RANBP2: variants seen among roughly 807,000 people sequenced by gnomAD.
RANBP2 encodes E3 SUMO-protein ligase RanBP2.
In RANBP2, 57 loss-of-function variants were observed where a neutral mutation model predicts 303.6. The ratio of observed to expected loss-of-function variants is 0.19; its 90% CI spans 0.15 to 0.23. The LOEUF is 0.23. RANBP2 is among the 10% of genes least tolerant of loss of function. RANBP2 has a pLI of 1.00. For synonymous variants in RANBP2, 1,167 were observed against 1,301.5 expected (o/e 0.90, Z 2.23); for missense variants, 3,138 against 3,780.8 (o/e 0.83, Z 4.46).
At chr2:109,101,518 ACT>A in the RANBP2 span, among the ~76,000 whole-genome samples, 2 of 152,078 alleles carry the variant, frequency 1.3e-5, no homozygotes, top group Non-Finnish European at 2.9e-5. Flanking sequence ...ACAGAGCGAG[ACT>A]CTGTCTCAAA....
At chr2:109,233,935 T>G in the RANBP2 span, among the ~76,000 whole-genome samples, 1 of 152,232 alleles carries the variant, frequency 6.6e-6, no homozygotes, top group Non-Finnish European at 1.5e-5. Context: ...GTACCACAGT[T>G]TGCATATCCA....
rs562256931 is a variant in RANBP2 at position 108,743,449 on chromosome 2, A to G, written c.975+2768A>G. On this transcript the variant is annotated intron_variant, in intron 7 of 28. Transcript: ENST00000283195. ...CCACCATGCCTGGCTACATTGTTAA[A>G]TTTTTTGTAAAGACAAGGTCTTGCT... 2.1e-3 allele frequency among the ~76,000 whole-genome samples: 325 copies of G among 152,130 alleles called. 3 individuals are homozygous for G. Among genetic ancestry groups the G allele is most frequent in the African/African-American group, 7.3e-3 (301 of 41,516 alleles).
the RANBP2 span, among the ~76,000 whole-genome samples, chr2:108,841,682 A>G: frequency 6.6e-6 from 1 of 152,128 alleles, no homozygotes. Context: ...TAGAAAAAAT[A>G]AACTTTGTCA....
chr2:109,736,245 C>T, the RANBP2 span, among the ~76,000 whole-genome samples: 6 of 152,164 alleles, frequency 3.9e-5, no homozygotes, highest in African/African-American at 7.2e-5. Context: ...TCTGCACGCA[C>T]TGCAGCACAT....
the RANBP2 span, among the ~76,000 whole-genome samples, chr2:109,353,461 AC>A: frequency 1.3e-5 from 2 of 152,164 alleles, no homozygotes; most frequent in Non-Finnish European, 2.9e-5. Flanking sequence ...TAGTCACGTG[AC>A]ACCGCCTGCC....
the RANBP2 span, among the ~76,000 whole-genome samples, chr2:109,249,101 A>C: frequency 6.6e-6 from 1 of 152,206 alleles, no homozygotes; most frequent in African/African-American, 2.4e-5. Flanking sequence ...GGCTGGTCTT[A>C]AACTCCTGGC....
the RANBP2 span, among the ~76,000 whole-genome samples, chr2:109,558,231 T>A: frequency 6.6e-6 from 1 of 152,338 alleles, no homozygotes; most frequent in East Asian, 1.9e-4. Context: ...TTGGGACATG[T>A]TTGTGTTTCA....
chr2:108,859,746 T>C, the RANBP2 span, among the ~76,000 whole-genome samples: 1 of 152,310 alleles, frequency 6.6e-6, no homozygotes, highest in East Asian at 1.9e-4. Context: ...TGCTTCCAGC[T>C]TTGTTCTTTT....
the RANBP2 span, among the ~76,000 whole-genome samples, chr2:109,461,912 A>C: frequency 1.4e-4 from 21 of 152,274 alleles, 1 homozygote; most frequent in East Asian, 4.0e-3. Flanking sequence ...TGTTGTCTCT[A>C]AAAATTCAAA....
the RANBP2 span, among the ~76,000 whole-genome samples, chr2:108,976,371 A>G: frequency 3.3e-5 from 5 of 152,200 alleles, no homozygotes; most frequent in South Asian, 2.1e-4. Context: ...TGCCATTCTC[A>G]TCACATGAAG....
the RANBP2 span, among the ~76,000 whole-genome samples, chr2:109,659,236 G>A: frequency 6.6e-6 from 1 of 151,950 alleles, no homozygotes; most frequent in African/African-American, 2.4e-5. Flanking sequence ...AACTAGCTGG[G>A]CGTGGTGGTG....
the RANBP2 span, among the ~76,000 whole-genome samples, chr2:109,064,818 G>A: frequency 6.6e-6 from 1 of 152,142 alleles, no homozygotes; most frequent in African/African-American, 2.4e-5. Context: ...CTGGGGCTCT[G>A]TATTGATCCA....
chr2:109,046,077 G>A, the RANBP2 span, among the ~76,000 whole-genome samples: 1 of 152,112 alleles, frequency 6.6e-6, no homozygotes, highest in East Asian at 2.0e-4. Flanking sequence ...GGCCGAGGTG[G>A]GCAGATCACG....
At chr2:108,726,419 TGAA>T (rs1288146512) in intron 1 of RANBP2, among the ~76,000 whole-genome samples, 2 of 150,354 alleles carry the variant, frequency 1.3e-5, no homozygotes, top group East Asian at 3.9e-4. Context: ...TTCCTTTAAG[TGAA>T]GAGGTGAGTT....
chr2:109,590,604 G>A, the RANBP2 span, among the ~76,000 whole-genome samples: 3 of 152,006 alleles, frequency 2.0e-5, no homozygotes, highest in Admixed American at 6.6e-5. Flanking sequence ...ACTAATTTTT[G>A]TATTTTTAGT....
the RANBP2 span, among the ~76,000 whole-genome samples, chr2:109,331,815 G>A: frequency 6.6e-6 from 1 of 152,140 alleles, no homozygotes; most frequent in East Asian, 1.9e-4. Context: ...TAAAAGTCTC[G>A]TGTTCAGATC....
At chr2:108,906,270 G>T in the RANBP2 span, 1 of 1,607,952 alleles carries the variant, frequency 6.2e-7, no homozygotes, top group African/African-American at 1.4e-5. Context: ...TGTCGGTGGG[G>T]TGGGCACCAC....
the RANBP2 span, among the ~76,000 whole-genome samples, chr2:109,480,384 G>C: frequency 2.0e-5 from 3 of 152,326 alleles, no homozygotes; most frequent in Non-Finnish European, 2.9e-5. Flanking sequence ...ATTTGTTCAA[G>C]GGTGCATGGC....
the RANBP2 span, among the ~76,000 whole-genome samples, chr2:109,555,027 C>A: frequency 6.6e-6 from 1 of 152,170 alleles, no homozygotes; most frequent in African/African-American, 2.4e-5. Context: ...TACAGCCGAA[C>A]CTGATCTTTG....
Sources: gnomAD v4.1 joint callset for allele counts (sites outside exome capture counted in the v4.1 genomes callset) on GRCh38, gnomAD v4.1.1 for gene constraint, MANE v1.5 for transcripts, NCBI Gene and HGNC (gene_info 2026-07-23, HGNC 2026-07-21) for gene names.